The following CCDC88C variants were observed in gnomAD, a reference collection of about 807,000 sequenced individuals.
CCDC88C encodes the protein protein Daple.
In CCDC88C, 131 loss-of-function variants were observed where a neutral mutation model predicts 198.8. That is an observed-to-expected ratio of 0.66 (90% CI 0.57 to 0.76). The LOEUF is 0.76. CCDC88C is among the 30% of genes least tolerant of loss of function. The pLI is 0.00. For missense variants in CCDC88C, 2,553 were observed against 2,631.6 expected, an observed-to-expected ratio of 0.97 and a Z score of 0.65; for synonymous variants, 1,166 against 1,114.7, an observed-to-expected ratio of 1.05 and a Z score of -0.92.
chr14:91,303,695 C>A lies in CCDC88C; in HGVS notation c.3635+6G>T. The A allele has an allele frequency of 6.4e-7, 1 of 1,570,816 alleles. No individual in the cohort carries two copies. Among genetic ancestry groups the A allele is most frequent in the Non-Finnish European group, 8.6e-7 (1 of 1,156,238 alleles). Reference sequence around the variant, plus strand: ...CCCCAGATCCCCTTCCTTCCCCAGGCCCTACCTCTCCCCGAGCTCCTTGTG... The same window carrying A: ...CCCCAGATCCCCTTCCTTCCCCAGGACCTACCTCTCCCCGAGCTCCTTGTG... On this transcript the variant is annotated splice_donor_region_variant and intron_variant, in intron 20 of 29. Transcript: ENST00000389857.
At chr14:91,411,168 A>G (rs1285838) in intron 2 of CCDC88C, among the ~76,000 whole-genome samples, 17,998 of 152,140 alleles carry the variant, frequency 0.12, 1,998 homozygotes, top group East Asian at 0.46. Context: ...TAATCAAAAC[A>G]AAAGCCTCAA....
At chr14:91,401,275 T>TTATATATTATATAATATATACATTA in intron 3 of CCDC88C, among the ~76,000 whole-genome samples, 1 of 144,240 alleles carries the variant, frequency 6.9e-6, no homozygotes, top group Admixed American at 7.2e-5. Context: ...ATTATATATA[T>TTATATATTATATAATATATACATTA]TATATATTAT....
intron 3 of CCDC88C, among the ~76,000 whole-genome samples, chr14:91,397,008 C>T (rs1297915480): frequency 2.1e-5 from 3 of 139,568 alleles, no homozygotes; most frequent in African/African-American, 7.9e-5. Flanking sequence ...ACCCTGTCAC[C>T]AAAAAAAAAA....
chr14:91,363,267 A>T (rs1176574140), intron 3 of CCDC88C, among the ~76,000 whole-genome samples: 4 of 150,188 alleles, frequency 2.7e-5, no homozygotes, highest in African/African-American at 7.6e-5. Flanking sequence ...TGACATAAAA[A>T]TGTATTATTT....
intron 3 of CCDC88C, among the ~76,000 whole-genome samples, chr14:91,403,051 T>C (rs776132999): frequency 4.6e-5 from 7 of 152,112 alleles, no homozygotes; most frequent in Non-Finnish European, 8.8e-5. Context: ...CATGCAACTG[T>C]AGCATTTCAG....
rs1216780371 is a variant in CCDC88C, at chr14:91,313,935, C to T, written c.1881G>A (p.Gly627=). The T allele has an allele frequency of 1.9e-6, 3 of 1,613,294 alleles. No individual in the cohort carries two copies. Among genetic ancestry groups the T allele is most frequent in the Non-Finnish European group, 2.5e-6 (3 of 1,179,844 alleles). The change falls in exon 15 of 30, where the codon GGG becomes GGA. Residue 627 remains glycine, a synonymous_variant. Transcript: ENST00000389857. The surrounding 1 kb of genome is among the most constrained non-coding windows in gnomAD (Gnocchi z 5.2). ...HRDLEQAKEK[G]ERAEKLEREL... is the part of the protein sequence containing the mutation. ...CCCTCTCCAGCTTCTCTGCCCGCTC[C>T]CCCTTCTCCTTGGCCTGCTCCAAGT...
chr14:91,333,362 C>T (rs928393170), intron 10 of CCDC88C, among the ~76,000 whole-genome samples: 30 of 152,136 alleles, frequency 2.0e-4, no homozygotes, highest in African/African-American at 5.6e-4. Flanking sequence ...CCATTTTCGT[C>T]GTCTGTGAAA....
At chr14:91,336,261 C>T (rs889790466) in intron 10 of CCDC88C, among the ~76,000 whole-genome samples, 3 of 152,202 alleles carry the variant, frequency 2.0e-5, no homozygotes, top group African/African-American at 7.2e-5. Flanking sequence ...CCTGGTGCAG[C>T]GCTCAGTTAC....
chr14:91,352,823 G>A lies in CCDC88C; in HGVS notation c.340+6819C>T, dbSNP rs1378814954. On this transcript the variant is annotated intron_variant, in intron 4 of 29. Transcript: ENST00000389857. This position sits in a 1 kb window ranked among gnomAD's most constrained non-coding sequence, Gnocchi z 4.2. Reference sequence around the variant, plus strand: ...TGGAGCCAGGGGCAGGACTGGGAGGGCCGCAGGGCCAGGAAGACAGGGCTT... The same window carrying A: ...TGGAGCCAGGGGCAGGACTGGGAGGACCGCAGGGCCAGGAAGACAGGGCTT... Among the ~76,000 whole-genome samples the A allele has an allele frequency of 6.6e-6, 1 of 152,196 alleles. No individual in the cohort carries two copies. The highest frequency in any genetic ancestry group is 1.5e-5 in the Non-Finnish European group (1 of 68,044).
chr14:91,342,273 T>C (rs916429636), intron 6 of CCDC88C, 107 bp downstream of exon 6: 1 of 648,960 alleles, frequency 1.5e-6, no homozygotes, highest in Non-Finnish European at 2.8e-6. Context: ...AAAATCGTAA[T>C]GGGTGATGTA....
intron 10 of CCDC88C, among the ~76,000 whole-genome samples, chr14:91,327,301 C>T (rs1189292637): frequency 6.6e-6 from 1 of 152,242 alleles, no homozygotes; most frequent in African/African-American, 2.4e-5. Context: ...GGAAGCCACA[C>T]ACTTTCCGGC....
chr14:91,348,151 G>C (rs1328228292), intron 4 of CCDC88C, among the ~76,000 whole-genome samples: 10 of 151,876 alleles, frequency 6.6e-5, no homozygotes, highest in Non-Finnish European at 1.5e-5. Context: ...GATTACAGGC[G>C]CACACCACCA....
At chr14:91,401,270 A>T (rs1323329404) in intron 3 of CCDC88C, among the ~76,000 whole-genome samples, 1 of 144,546 alleles carries the variant, frequency 6.9e-6, no homozygotes, top group Non-Finnish European at 1.5e-5. Context: ...TATACATTAT[A>T]TATATTATAT....
At chr14:91,349,169 C>T (rs1291121150) in intron 4 of CCDC88C, among the ~76,000 whole-genome samples, 1 of 152,212 alleles carries the variant, frequency 6.6e-6, no homozygotes, top group Non-Finnish European at 1.5e-5. Context: ...ACAGACAGCT[C>T]CCTGCCAAGT....
chr14:91,344,800 CTTT>C (rs765758764), intron 4 of CCDC88C, among the ~76,000 whole-genome samples: 1 of 144,868 alleles, frequency 6.9e-6, no homozygotes. Context: ...CGCCCGGCCC[CTTT>C]TTTTTTTTTC....
Position 91,272,308 on chromosome 14 carries a change from G to A in CCDC88C, c.*317C>T, listed in dbSNP as rs886978046. The A allele has an allele frequency of 5.3e-6, 2 of 375,652 alleles. No individual in the cohort carries two copies. The highest frequency in any genetic ancestry group is 9.8e-6 in the Non-Finnish European group (2 of 204,478). 23.3% of individuals were successfully genotyped at this position (375,652 alleles called of 1,614,324 possible). A position where few individuals can be genotyped will look rare whatever the true frequency, so the allele number is the denominator to read the frequency against. ...AATGAGTGTTCTACTGGGACATACT[G>A]GAGTAGTGTCTGCTTTGGGGGAAGT... On this transcript the variant is annotated 3_prime_UTR_variant, in exon 30 of 30. Coordinates refer to ENST00000389857, the MANE Select transcript of CCDC88C (RefSeq NM_001080414.4).
At chr14:91,310,522 C>T (rs554112595) in intron 15 of CCDC88C, among the ~76,000 whole-genome samples, 33 of 152,240 alleles carry the variant, frequency 2.2e-4, no homozygotes, top group Non-Finnish European at 3.7e-4. Flanking sequence ...GGTGATCCTC[C>T]ACCTCAGCCT....
Position 91,338,231 on chromosome 14 carries a change from GC to G in CCDC88C, c.892-69del. 2 of 1,570,338 alleles carry G rather than the reference GC, an allele frequency of 1.3e-6. No homozygotes were observed. The highest frequency in any genetic ancestry group is 1.7e-6 in the Non-Finnish European group (2 of 1,150,976). On this transcript the variant is annotated intron_variant, in intron 9 of 29. Coordinates refer to ENST00000389857, the MANE Select transcript of CCDC88C (RefSeq NM_001080414.4). The surrounding 1 kb of genome is among the most constrained non-coding windows in gnomAD (Gnocchi z 4.8). The stretch of plus-strand genomic sequence containing the variant: ...CTCTAGGAAGGGCAGAAAGGCCATT[GC>G]CCTTCTGCATGGTGTCTCCACGACG...
Position 91,291,019 on chromosome 14 carries a change from T to C in CCDC88C, c.4178A>G (p.Lys1393Arg). Residue 1393 changes from lysine to arginine, a missense_variant, in exon 24 of 30, where the codon AAG becomes AGG. Physicochemically the swap from Lys to Arg is conservative, Grantham distance 26 (BLOSUM62 2). Transcript: ENST00000389857. ...CTTCTTTGGAGGAGGATCATAGAAC[T>C]TGTATTGATCCATGATTTTTTCTTC... is the stretch of plus-strand genomic sequence containing the variant. ...KLEEKIMDQY[K>R]FYDPPPKKKN... The C allele has an allele frequency of 6.3e-7, 1 of 1,589,700 alleles. No individual in the cohort carries two copies. The highest frequency in any genetic ancestry group is 1.1e-5 in the South Asian group (1 of 88,354).
Sources: allele counts gnomAD v4.1 joint callset (sites outside exome capture counted in the v4.1 genomes callset), GRCh38; gene constraint gnomAD v4.1.1; non-coding constraint Gnocchi (gnomAD v3.1); transcripts MANE v1.5; gene names NCBI Gene and HGNC (gene_info 2026-07-23, HGNC 2026-07-21).